The following DAB1 variants were observed in gnomAD, a reference collection of about 807,000 sequenced individuals.
DAB1 encodes the protein DAB adaptor protein 1.
DAB1 carries 15 observed loss-of-function variants against 64.6 expected under a neutral mutation model. The observed-to-expected ratio is 0.23, with a 90% CI of 0.16 to 0.36. DAB1 has a LOEUF of 0.36. Ranked by LOEUF, DAB1 falls within the 10% of genes least tolerant of loss-of-function variation. The probability of loss-of-function intolerance (pLI) is 1.00; values close to 1 mark genes in which losing one functional copy is unlikely to be tolerated. For synonymous variants in DAB1, 235 were observed against 251.9 expected (o/e 0.93, Z 0.64); for missense variants, 596 against 706.7 (o/e 0.84, Z 1.78).
chr1:57,085,850 A>G (rs756463402), intron 4 of DAB1, among the ~76,000 whole-genome samples: 9 of 152,160 alleles, frequency 5.9e-5, no homozygotes, highest in Non-Finnish European at 1.0e-4. Flanking sequence ...TGTTTATGCA[A>G]TAGTAAAGGC....
chr1:58,356,247 C>T (rs1460645611), intron 3 of DAB1, among the ~76,000 whole-genome samples: 2 of 152,138 alleles, frequency 1.3e-5, no homozygotes, highest in Non-Finnish European at 2.9e-5. Flanking sequence ...TACTCCACAA[C>T]CTGTATGTAA....
chr1:57,049,478 G>A (rs146461782), intron 9 of DAB1, among the ~76,000 whole-genome samples: 4,739 of 65,838 alleles, frequency 0.072, 3 homozygotes, highest in Non-Finnish European at 0.095. Flanking sequence ...AAAAAAAAAA[G>A]AAGTTAGAGA....
intron 5 of DAB1, among the ~76,000 whole-genome samples, chr1:58,145,384 G>A (rs576422790): frequency 1.1e-4 from 17 of 152,254 alleles, no homozygotes; most frequent in South Asian, 2.1e-4. Context: ...TCTCTGTCTC[G>A]GTTTCTTTTC....
At chr1:57,671,659 G>T (rs925131293) in intron 6 of DAB1, among the ~76,000 whole-genome samples, 4 of 151,962 alleles carry the variant, frequency 2.6e-5, no homozygotes, top group African/African-American at 9.7e-5. Flanking sequence ...ATGCACCTTT[G>T]CTCATGCTCC....
intron 7 of DAB1, among the ~76,000 whole-genome samples, chr1:57,510,329 C>T (rs991034623): frequency 6.6e-6 from 1 of 152,078 alleles, no homozygotes; most frequent in Non-Finnish European, 1.5e-5. Flanking sequence ...TGCCACACAG[C>T]GTTTCATTCC....
At chr1:57,596,405 T>C (rs1196748780) in intron 7 of DAB1, among the ~76,000 whole-genome samples, 1 of 152,232 alleles carries the variant, frequency 6.6e-6, no homozygotes, top group Non-Finnish European at 1.5e-5. Flanking sequence ...CATAAGATTG[T>C]CTTCCCCAGC....
At chr1:58,541,285 C>T (rs1237837642) in intron 1 of DAB1, among the ~76,000 whole-genome samples, 1 of 59,490 alleles carries the variant, frequency 1.7e-5, no homozygotes, top group Non-Finnish European at 2.9e-5. Flanking sequence ...CAGAGTGAGA[C>T]TCTGTCTCAA....
In DAB1 at chr1:57,469,959, A is replaced by G. The variant is rs142303669; in HGVS notation, n.626-178793T>C. On this transcript the variant is annotated intron_variant and non_coding_transcript_variant, in intron 7 of 20. Coordinates refer to the DAB1 transcript ENST00000485760. ...TCTATACTCATTTGACCATGAAACT[A>G]TTATTTCATATAACACCTATTAACA... Among the ~76,000 whole-genome samples the G allele has an allele frequency of 1.4e-4, 21 of 152,352 alleles. No homozygotes were observed. In the East Asian group the frequency reaches 3.7e-3, roughly 27 times the overall value.
chr1:57,514,391 T>C (rs1644440532), intron 7 of DAB1, among the ~76,000 whole-genome samples: 1 of 152,208 alleles, frequency 6.6e-6, no homozygotes, highest in African/African-American at 2.4e-5. Context: ...TGAGTTGATA[T>C]CTCATTTTGG....
chr1:57,367,043 CAAAATAAAATAAAATAAAATAAAAT>C (rs148354078), intron 1 of DAB1, among the ~76,000 whole-genome samples: 4,495 of 91,676 alleles, frequency 0.049, 263 homozygotes, highest in African/African-American at 0.13. Flanking sequence ...CCTGTCTCCA[CAAAATAAAATAAAATAAAATAAAAT>C]AAAATAAAAT....
At chr1:57,902,295 C>G (rs1266005790) in intron 5 of DAB1, among the ~76,000 whole-genome samples, 2 of 151,494 alleles carry the variant, frequency 1.3e-5, no homozygotes. Context: ...CTCTATATAC[C>G]TTTTCTATAT....
intron 1 of DAB1, among the ~76,000 whole-genome samples, chr1:57,875,955 C>T (rs187621771): frequency 1.3e-5 from 2 of 152,298 alleles, no homozygotes; most frequent in South Asian, 2.1e-4. Context: ...ACAGACTCAG[C>T]GATCGTTGTC....
chr1:57,407,306 G>A (rs1683720398), intron 1 of DAB1, among the ~76,000 whole-genome samples: 2 of 152,154 alleles, frequency 1.3e-5, no homozygotes, highest in African/African-American at 4.8e-5. Flanking sequence ...GAAAGAGAGA[G>A]TTAGCACAGG....
intron 6 of DAB1, among the ~76,000 whole-genome samples, chr1:57,765,915 G>A (rs1649291417): frequency 6.6e-6 from 1 of 152,144 alleles, no homozygotes; most frequent in Non-Finnish European, 1.5e-5. Flanking sequence ...ACAGGCGTGA[G>A]CCACTATGCC....
intron 7 of DAB1, among the ~76,000 whole-genome samples, chr1:57,600,054 G>A (rs539338011): frequency 9.2e-5 from 14 of 152,062 alleles, no homozygotes; most frequent in Non-Finnish European, 1.5e-4. Flanking sequence ...ATACCTTCTC[G>A]AGGAAGTCCT....
intron 9 of DAB1, among the ~76,000 whole-genome samples, chr1:57,027,406 G>GCAGA (rs1413492368): frequency 6.6e-6 from 1 of 152,122 alleles, no homozygotes; most frequent in Non-Finnish European, 1.5e-5. Context: ...CTGCCTCTTT[G>GCAGA]CAGACAGCCC....
chr1:57,799,664 C>T lies in DAB1; in HGVS notation n.551+84335G>A, dbSNP rs536838723. ...ACCAGGGTCAACAAACTGCAGCTCA[C>T]AGACCAAATCTGGCTCGCCATCTGT... On this transcript the variant is annotated intron_variant and non_coding_transcript_variant, in intron 6 of 20. Coordinates refer to the DAB1 transcript ENST00000485760. Among the ~76,000 whole-genome samples, 4 of 152,030 alleles carry T rather than the reference C, an allele frequency of 2.6e-5. No homozygotes were observed. The South Asian group carries it at 8.3e-4, about 32-fold the overall frequency.
chr1:57,507,558 G>T (rs1274037804), intron 7 of DAB1, among the ~76,000 whole-genome samples: 1 of 152,130 alleles, frequency 6.6e-6, no homozygotes, highest in Admixed American at 6.5e-5. Flanking sequence ...GGAGTGTGAA[G>T]GCCTGAACTG....
At chr1:57,705,414 C>T (rs965460478) in intron 6 of DAB1, among the ~76,000 whole-genome samples, 2 of 152,094 alleles carry the variant, frequency 1.3e-5, no homozygotes, top group Admixed American at 1.3e-4. Context: ...TTACATATGG[C>T]TACTAATAAC....
Sources: allele counts gnomAD v4.1 joint callset (sites outside exome capture counted in the v4.1 genomes callset), GRCh38; gene constraint gnomAD v4.1.1; transcripts MANE v1.5; gene names NCBI Gene and HGNC (gene_info 2026-07-23, HGNC 2026-07-21).